The following ZNF507 variants were observed in gnomAD, a reference collection of about 807,000 sequenced individuals.
ZNF507 encodes zinc finger protein 507.
ZNF507 carries 29 observed loss-of-function variants against 80.0 expected under a neutral mutation model. The observed-to-expected ratio is 0.36, with a 90% confidence interval of 0.27 to 0.49. The LOEUF (loss-of-function observed/expected upper bound fraction) is 0.49. ZNF507 is among the 20% of genes least tolerant of loss of function. ZNF507 has a pLI of 0.98. For synonymous variants in ZNF507, 462 were observed against 422.5 expected (o/e 1.09, Z -1.15); for missense variants, 1,081 against 1,152.2 (o/e 0.94, Z 0.90).
chr19:32,347,263 T>G lies in ZNF507; in HGVS notation c.-78T>G, dbSNP rs544081137. ...GCCACAGCTGGATTTTGAAGATTGA[T>G]CCAAGGGACTGTATTAATTTCAGGA... On this transcript the variant is annotated 5_prime_UTR_variant, in exon 2 of 7. Transcript: ENST00000355898. The G allele has an allele frequency of 3.9e-5, 6 of 152,842 alleles. No homozygotes were observed. In the South Asian group the frequency reaches 1.2e-3, roughly 32 times the overall value. 9.5% of individuals were successfully genotyped at this position (152,842 alleles called of 1,614,324 possible).
rs16967006 is a variant in ZNF507, at chr19:32,363,621, G to A, written c.2360+3003G>A. Among the ~76,000 whole-genome samples, 985 of 152,268 alleles carry A rather than the reference G, an allele frequency of 6.5e-3. 13 individuals are homozygous for A. The highest frequency in any genetic ancestry group is 0.022 in the African/African-American group (923 of 41,552). ...GTCGTTAATAGAATGAGGATATTAA[G>A]GTTGTGAGGGTGAAATAAAATACCT... On this transcript the variant is annotated intron_variant, in intron 5 of 6. Transcript: ENST00000355898.
chr19:32,374,789 C>T (rs149152309), intron 5 of ZNF507, among the ~76,000 whole-genome samples: 26 of 152,260 alleles, frequency 1.7e-4, no homozygotes, highest in African/African-American at 6.0e-4. Context: ...GCCTATACCT[C>T]TTCTTTCTTT....
chr19:32,358,112 T>C, intron 4 of ZNF507: 1 of 152,212 alleles, frequency 6.6e-6, no homozygotes, highest in Non-Finnish European at 1.5e-5. Flanking sequence ...GCATGGATTT[T>C]TAAATTGCCT....
chr19:32,365,064 G>A (rs902433056), intron 5 of ZNF507, among the ~76,000 whole-genome samples: 1 of 152,190 alleles, frequency 6.6e-6, no homozygotes, highest in Non-Finnish European at 1.5e-5. Context: ...CTGATCATTA[G>A]TGATGTTGCA....
In ZNF507 at chr19:32,354,432, T is replaced by G; in HGVS notation, c.1602T>G (p.Asp534Glu). The G allele has an allele frequency of 6.2e-7, 1 of 1,614,168 alleles. No individual in the cohort carries two copies. The highest frequency in any genetic ancestry group is 8.5e-7 in the Non-Finnish European group (1 of 1,180,028). Reference protein sequence around the residue: ...LDPDTSQRQVDSTLAAYSKMM... With the variant: ...LDPDTSQRQVESTLAAYSKMM... ...CAGATACTAGTCAAAGGCAAGTAGA[T>G]AGTACATTGGCAGCGTACTCAAAAA... Residue 534 changes from aspartate to glutamate, a missense_variant, in exon 3 of 7, where the codon GAT (aspartate) becomes GAG (glutamate). By Grantham distance (45) the Asp-to-Glu change is conservative. Transcript: ENST00000355898.
At chr19:32,355,173 CCTT>C (rs1240425838) in intron 3 of ZNF507, among the ~76,000 whole-genome samples, 3 of 152,146 alleles carry the variant, frequency 2.0e-5, no homozygotes, top group Non-Finnish European at 4.4e-5. Flanking sequence ...CCTGCTGCCT[CCTT>C]GACAGCCTCT....
At chr19:32,352,072 A>G (rs531951038) in intron 2 of ZNF507, among the ~76,000 whole-genome samples, 29 of 90,024 alleles carry the variant, frequency 3.2e-4, no homozygotes, top group African/African-American at 6.4e-4. Context: ...CCTTTCAGGG[A>G]AAAAAAAAAA....
At chr19:32,371,641 TTA>T (rs200896754) in intron 5 of ZNF507, among the ~76,000 whole-genome samples, 1,256 of 63,920 alleles carry the variant, frequency 0.02, 10 homozygotes, top group Non-Finnish European at 0.03. Flanking sequence ...ATTATTATTA[TTA>T]TTTTTTTTTT....
chr19:32,360,878 C>A (rs937492082), intron 5 of ZNF507, among the ~76,000 whole-genome samples: 8 of 152,084 alleles, frequency 5.3e-5, no homozygotes, highest in Admixed American at 4.6e-4. Context: ...CTCAAGGGAT[C>A]CTCCCACATC....
chr19:32,356,652 C>T lies in ZNF507; in HGVS notation c.2164C>T (p.Leu722Phe). The change falls in exon 4 of 7, where the codon CTT becomes TTT. Residue 722 changes from leucine to phenylalanine, a missense_variant. Leu to Phe is a conservative substitution (Grantham distance 22). Around this residue, in one of 6 missense-constraint regions of ZNF507, gnomAD observed 614 missense variants for 583.9 expected, o/e 1.05. Coordinates refer to ENST00000355898, the MANE Select transcript of ZNF507 (RefSeq NM_001136156.2). ...LRNHEREQHS[L>F]PDTLSIATSN... ...GAACCATGAGAGAGAACAGCACAGT[C>T]TTCCAGATACCTTGTCAATAGCAAC... is the stretch of plus-strand genomic sequence containing the variant. The T allele has an allele frequency of 6.2e-7, 1 of 1,614,118 alleles. No homozygotes were observed. Among genetic ancestry groups the T allele is most frequent in the South Asian group, 1.1e-5 (1 of 91,088 alleles).
chr19:32,370,615 A>G (rs1036987556), intron 5 of ZNF507, among the ~76,000 whole-genome samples: 7 of 152,162 alleles, frequency 4.6e-5, no homozygotes, highest in African/African-American at 9.7e-5. Flanking sequence ...AGTGTTCTTT[A>G]TAAATTTTGG....
chr19:32,357,975 A>G (rs995817579), intron 4 of ZNF507: 3 of 152,234 alleles, frequency 2.0e-5, no homozygotes, highest in African/African-American at 7.2e-5. Flanking sequence ...ATTTTAATAA[A>G]AAGATTAAAG....
intron 1 of ZNF507, among the ~76,000 whole-genome samples, chr19:32,346,973 C>A (rs960286449): frequency 1.3e-5 from 2 of 152,124 alleles, no homozygotes; most frequent in Non-Finnish European, 2.9e-5. Flanking sequence ...GTGTTGAGTC[C>A]AGTACCTAAA....
At chr19:32,368,167 CA>C (rs1892935711) in intron 5 of ZNF507, among the ~76,000 whole-genome samples, 1 of 152,188 alleles carries the variant, frequency 6.6e-6, no homozygotes, top group African/African-American at 2.4e-5. Flanking sequence ...CACACCAAAT[CA>C]GGGTGTGAAA....
At chr19:32,369,752 G>A (rs1332919604) in intron 5 of ZNF507, among the ~76,000 whole-genome samples, 1 of 151,998 alleles carries the variant, frequency 6.6e-6, no homozygotes, top group South Asian at 2.1e-4. Flanking sequence ...ATCATCTTAC[G>A]TACTTTTTTG....
intron 5 of ZNF507, among the ~76,000 whole-genome samples, chr19:32,376,665 T>G (rs1161949861): frequency 1.3e-5 from 2 of 152,008 alleles, no homozygotes; most frequent in African/African-American, 4.8e-5. Flanking sequence ...AGACGAGAGA[T>G]TGTAGAAATA....
chr19:32,381,188 C>G (rs1209817534), intron 5 of ZNF507, among the ~76,000 whole-genome samples: 2 of 152,076 alleles, frequency 1.3e-5, no homozygotes, highest in Non-Finnish European at 2.9e-5. Context: ...ACAAAAAGAT[C>G]AGTGGTTGCC....
chr19:32,361,078 A>G (rs988424796), intron 5 of ZNF507, among the ~76,000 whole-genome samples: 1 of 152,250 alleles, frequency 6.6e-6, no homozygotes, highest in Non-Finnish European at 1.5e-5. Flanking sequence ...TATAAATTTC[A>G]TAGCAATTTT....
At chr19:32,368,410 T>C (rs1479101846) in intron 5 of ZNF507, among the ~76,000 whole-genome samples, 6 of 152,224 alleles carry the variant, frequency 3.9e-5, no homozygotes, top group East Asian at 1.9e-4. Context: ...TGATTTCTCC[T>C]TGTGGACTTT....
Sources: gnomAD v4.1 joint callset for allele counts (sites outside exome capture counted in the v4.1 genomes callset) on GRCh38, gnomAD v4.1.1 for gene constraint, gnomAD v4.1.1 regional missense constraint, MANE v1.5 for transcripts, NCBI Gene and HGNC (gene_info 2026-07-23, HGNC 2026-07-21) for gene names.